RNF6: variants seen among roughly 807,000 people sequenced by gnomAD.
RNF6 encodes ring finger protein 6.
A neutral mutation model predicts 50.1 loss-of-function variants in RNF6; 21 were observed. That is an observed-to-expected ratio of 0.42 (90% CI 0.30 to 0.60). The LOEUF is 0.60. Ranked by LOEUF, RNF6 falls within the 20% of genes least tolerant of loss-of-function variation. The pLI, the probability that RNF6 is intolerant of heterozygous loss-of-function variation, is 0.20. For synonymous variants in RNF6, 255 were observed against 291.8 expected (o/e 0.87, Z 1.29); for missense variants, 698 against 838.2 (o/e 0.83, Z 2.07).
At chr13:26,142,225 A>G (rs1870994710) in intron 5 of RNF6, 1 of 152,198 alleles carries the variant, frequency 6.6e-6, no homozygotes, top group Non-Finnish European at 1.5e-5. Flanking sequence ...AAGTCAAAAA[A>G]CAACAGATGT....
intron 5 of RNF6, among the ~76,000 whole-genome samples, chr13:26,148,312 G>C (rs1281524920): frequency 6.6e-6 from 1 of 151,734 alleles, no homozygotes; most frequent in African/African-American, 2.4e-5. Context: ...GATTTGGGTG[G>C]GGACACAGAT....
intron 5 of RNF6, among the ~76,000 whole-genome samples, chr13:26,207,447 A>C (rs1869155788): frequency 6.6e-6 from 1 of 152,034 alleles, no homozygotes; most frequent in Middle Eastern, 3.4e-3. Flanking sequence ...AGAATATGAG[A>C]CTACTTGAGA....
rs750920399 is a variant in RNF6, at chr13:26,214,204, T to C, written c.1678A>G (p.Thr560Ala). The C allele has an allele frequency of 5.0e-6, 8 of 1,614,038 alleles. No individual in the cohort carries two copies. The highest frequency in any genetic ancestry group is 3.3e-5 in the Admixed American group (2 of 60,004). ...HGENETTQPH[T>A]RNSDSRGGRQ... ...CCACCCCTACTGTCACTGTTTCGAG[T>C]ATGAGGCTGGGTGGTCTCGTTTTCA... The change falls in exon 5 of 5, where the codon ACT becomes GCT. Residue 560 changes from threonine (T) to alanine (A), a missense_variant. Thr to Ala is a moderately conservative substitution (Grantham distance 58). Coordinates refer to ENST00000381588, the MANE Select transcript of RNF6 (RefSeq NM_005977.4).
chr13:26,221,069 C>T (rs1320409434), intron 2 of RNF6, among the ~76,000 whole-genome samples, 179 bp downstream of exon 2: 1 of 152,052 alleles, frequency 6.6e-6, no homozygotes, highest in African/African-American at 2.4e-5. Flanking sequence ...CAGATTAAGA[C>T]CATAATTAGC....
chr13:26,217,317 T>C (rs1869986666), intron 4 of RNF6, among the ~76,000 whole-genome samples: 1 of 152,260 alleles, frequency 6.6e-6, no homozygotes, highest in Admixed American at 6.5e-5. Flanking sequence ...TAAATGCTAC[T>C]TCCTTCTTTG....
At chr13:26,153,690 G>A (rs751553394) in intron 5 of RNF6, among the ~76,000 whole-genome samples, 6 of 152,128 alleles carry the variant, frequency 3.9e-5, no homozygotes, top group African/African-American at 9.7e-5. Context: ...AATTTAACTC[G>A]TTTTGAAAAG....
chr13:26,147,619 T>A lies in RNF6; in HGVS notation n.769-15168A>T, dbSNP rs142284399. Among the ~76,000 whole-genome samples, 596 of 152,248 alleles carry A rather than the reference T, an allele frequency of 3.9e-3. 6 individuals carry two copies. Among genetic ancestry groups the A allele is most frequent in the Non-Finnish European group, 2.7e-3 (182 of 68,002 alleles). On this transcript the variant is annotated intron_variant and non_coding_transcript_variant, in intron 5 of 5. Transcript: ENST00000468480. ...AGCTTCATCAGGGTCTTCCCACACA[T>A]CCTCATCCCAACTTTTAGGATCTCA...
chr13:26,141,184 A>C (rs995052773), intron 5 of RNF6, among the ~76,000 whole-genome samples: 1 of 152,106 alleles, frequency 6.6e-6, no homozygotes, highest in African/African-American at 2.4e-5. Context: ...ATCCTAAGCA[A>C]AAAGAACAAA....
At chr13:26,153,257 A>G (rs1307343022) in intron 5 of RNF6, among the ~76,000 whole-genome samples, 3 of 151,782 alleles carry the variant, frequency 2.0e-5, no homozygotes, top group African/African-American at 7.3e-5. Context: ...TCTGTCGCCC[A>G]GGCTGGAGTG....
chr13:26,198,440 A>C (rs1197771909), intron 5 of RNF6, among the ~76,000 whole-genome samples: 2 of 151,948 alleles, frequency 1.3e-5, no homozygotes, highest in African/African-American at 4.9e-5. Flanking sequence ...ACACCTTCCC[A>C]GAAACATCCA....
downstream of RNF6, chr13:26,212,671 G>A (rs1869381060): frequency 6.7e-6 from 1 of 149,946 alleles, no homozygotes; most frequent in South Asian, 2.1e-4. Flanking sequence ...TGTCGTCTGG[G>A]AAATACTCTA....
intron 5 of RNF6, among the ~76,000 whole-genome samples, chr13:26,183,812 C>A (rs1184460601): frequency 6.7e-6 from 1 of 150,082 alleles, no homozygotes; most frequent in Admixed American, 6.7e-5. Context: ...GATTACTTTG[C>A]TTGAAAATTC....
chr13:26,219,548 G>A lies in RNF6; in HGVS notation c.102C>T (p.Leu34=), dbSNP rs1870253787. ...ENERRWQQER[L]HREEAYYQFI... ...ACTGATAATAGGCCTCTTCTCTGTG[G>A]AGACGCTCTTGCTGCCATCTTCTCT... Residue 34 remains leucine (L), a synonymous_variant, in exon 3 of 5, where the codon CTC becomes CTT. Coordinates refer to ENST00000381588, the MANE Select transcript of RNF6 (RefSeq NM_005977.4). 1.2e-6 allele frequency: 2 copies of A among 1,613,886 alleles called. No individual in the cohort carries two copies. Among genetic ancestry groups the A allele is most frequent in the Admixed American group, 1.7e-5 (1 of 60,006 alleles).
chr13:26,172,253 C>T (rs1346183790), intron 5 of RNF6, among the ~76,000 whole-genome samples: 1 of 129,930 alleles, frequency 7.7e-6, no homozygotes, highest in African/African-American at 2.7e-5. Context: ...GTAACCGATG[C>T]TGGAACAGCT....
intron 5 of RNF6, among the ~76,000 whole-genome samples, chr13:26,169,650 G>A (rs1460766656): frequency 2.0e-5 from 3 of 152,182 alleles, no homozygotes; most frequent in Non-Finnish European, 2.9e-5. Flanking sequence ...AGGAACTAGG[G>A]CATCTCTTAT....
intron 5 of RNF6, among the ~76,000 whole-genome samples, chr13:26,200,530 C>T (rs1868859252): frequency 6.6e-6 from 1 of 151,550 alleles, no homozygotes; most frequent in African/African-American, 2.4e-5. Flanking sequence ...CTGCCTCAGC[C>T]ATGTAGCTGG....
At chr13:26,162,283 T>C (rs1872249525) in intron 5 of RNF6, among the ~76,000 whole-genome samples, 1 of 152,198 alleles carries the variant, frequency 6.6e-6, no homozygotes, top group Admixed American at 6.5e-5. Context: ...ACTGGAATCA[T>C]TCAAACTAGC....
At chr13:26,151,298 C>T (rs1251501660) in intron 5 of RNF6, among the ~76,000 whole-genome samples, 3 of 151,016 alleles carry the variant, frequency 2.0e-5, no homozygotes, top group East Asian at 2.0e-4. Context: ...AATTTCATTC[C>T]GTTGCCCAGG....
At chr13:26,175,224 G>A (rs1217963970) in intron 5 of RNF6, among the ~76,000 whole-genome samples, 2 of 152,256 alleles carry the variant, frequency 1.3e-5, no homozygotes, top group Non-Finnish European at 2.9e-5. Flanking sequence ...GGGACTACAG[G>A]TGCACACCAC....
Sources: gnomAD v4.1 joint callset for allele counts (sites outside exome capture counted in the v4.1 genomes callset) on GRCh38, gnomAD v4.1.1 for gene constraint, MANE v1.5 for transcripts, NCBI Gene and HGNC (gene_info 2026-07-23, HGNC 2026-07-21) for gene names.